Variants in FHIT observed in about 807,000 individuals in gnomAD.
FHIT encodes fragile histidine triad diadenosine triphosphatase, also known as bis(5'-adenosyl)-triphosphatase.
A neutral mutation model predicts 17.9 loss-of-function variants in FHIT; 19 were observed. The observed-to-expected ratio is 1.06, with a 90% CI of 0.74 to 1.56. The LOEUF is 1.56. FHIT is among the 40% of genes most tolerant of loss of function. The probability of loss-of-function intolerance (pLI) is 0.00; values close to 1 mark genes in which losing one functional copy is unlikely to be tolerated. For missense variants in FHIT, 248 were observed against 189.2 expected (o/e 1.31, Z -1.82); for synonymous variants, 81 against 69.7 (o/e 1.16, Z -0.81).
At chr3:59,767,257 C>T (rs893318457) in intron 8 of FHIT, among the ~76,000 whole-genome samples, 6 of 152,140 alleles carry the variant, frequency 3.9e-5, no homozygotes, top group Middle Eastern at 3.4e-3. Flanking sequence ...CCAGCACTTT[C>T]GGAGGCTGAG....
At chr3:61,228,694 CAT>C (rs1243100612) in intron 1 of FHIT, among the ~76,000 whole-genome samples, 1 of 152,164 alleles carries the variant, frequency 6.6e-6, no homozygotes, top group Non-Finnish European at 1.5e-5. Context: ...ACCTGAAAGG[CAT>C]ATTTTAGGAG....
At chr3:61,000,409 G>T (rs556424415) in intron 3 of FHIT, among the ~76,000 whole-genome samples, 1 of 152,248 alleles carries the variant, frequency 6.6e-6, no homozygotes, top group South Asian at 2.1e-4. Flanking sequence ...GAGACACAAT[G>T]GTAAGACATT....
chr3:60,540,120 T>A (rs2036137953), intron 4 of FHIT, among the ~76,000 whole-genome samples: 1 of 152,150 alleles, frequency 6.6e-6, no homozygotes, highest in African/African-American at 2.4e-5. Flanking sequence ...GTTTACATAA[T>A]GAAGCCTCTG....
chr3:60,818,799 G>C (rs1553738421), intron 4 of FHIT, among the ~76,000 whole-genome samples: 1 of 152,060 alleles, frequency 6.6e-6, no homozygotes, highest in Non-Finnish European at 1.5e-5. Context: ...TGATTGCCCT[G>C]AACCCTGTTC....
chr3:61,170,537 C>A (rs2037972493), intron 2 of FHIT, among the ~76,000 whole-genome samples: 1 of 152,124 alleles, frequency 6.6e-6, no homozygotes, highest in Non-Finnish European at 1.5e-5. Flanking sequence ...CTCCCACCCT[C>A]CAATAGGCCC....
intron 5 of FHIT, among the ~76,000 whole-genome samples, chr3:60,392,963 G>A (rs984620693): frequency 1.3e-5 from 2 of 152,090 alleles, no homozygotes; most frequent in Non-Finnish European, 2.9e-5. Flanking sequence ...AAACAGCTAG[G>A]GAAGCTTCAT....
intron 8 of FHIT, among the ~76,000 whole-genome samples, chr3:59,908,843 C>CTTTTTTTTTTTTTTTT (rs1264578670): frequency 6.6e-6 from 1 of 150,742 alleles, no homozygotes. Context: ...AAGAACATTT[C>CTTTTTTTTTTTTTTTT]ATTTTTTAAT....
chr3:60,198,833 G>C (rs930173461), intron 5 of FHIT, among the ~76,000 whole-genome samples: 2 of 152,130 alleles, frequency 1.3e-5, no homozygotes, highest in Non-Finnish European at 1.5e-5. Flanking sequence ...ATTTGCACCA[G>C]TGTAAAGGTA....
intron 5 of FHIT, among the ~76,000 whole-genome samples, chr3:60,348,699 C>G (rs769593607): frequency 6.6e-5 from 10 of 152,184 alleles, no homozygotes; most frequent in Non-Finnish European, 1.3e-4. Context: ...ACTCTGCATC[C>G]TGACTCACCT....
intron 3 of FHIT, among the ~76,000 whole-genome samples, chr3:61,031,034 G>A (rs1053117102): frequency 6.6e-6 from 1 of 152,124 alleles, no homozygotes; most frequent in Non-Finnish European, 1.5e-5. Context: ...ACGAAATAAG[G>A]GGTCCTTGCA....
intron 5 of FHIT, among the ~76,000 whole-genome samples, chr3:60,497,362 TAAG>T (rs1223533120): frequency 2.0e-5 from 3 of 152,342 alleles, no homozygotes; most frequent in African/African-American, 2.4e-5. Context: ...TTAAATTTTT[TAAG>T]AAGGACTGCC....
In FHIT at chr3:59,994,876, C is replaced by T. The variant is rs551286686; in HGVS notation, c.279+16495G>A. Among the ~76,000 whole-genome samples, 78 of 152,192 alleles carry T rather than the reference C, an allele frequency of 5.1e-4. 1 individual carries two copies. The highest frequency in any genetic ancestry group is 1.6e-3 in the African/African-American group (66 of 41,550). On this transcript the variant is annotated intron_variant, in intron 7 of 9. Transcript: ENST00000492590. Reference sequence around the variant, plus strand: ...TTGTCTATGCACTAAGTTACTTTGACGCCACACCTGTTTCTATTCTGCCTG... The same window carrying T: ...TTGTCTATGCACTAAGTTACTTTGATGCCACACCTGTTTCTATTCTGCCTG...
chr3:61,210,140 C>T (rs184230254), intron 1 of FHIT, among the ~76,000 whole-genome samples: 37 of 152,296 alleles, frequency 2.4e-4, no homozygotes, highest in African/African-American at 8.4e-4. Context: ...ATTGATGAAC[C>T]GCAAATGCTA....
At chr3:60,374,945 T>G (rs1027742765) in intron 5 of FHIT, among the ~76,000 whole-genome samples, 1 of 152,050 alleles carries the variant, frequency 6.6e-6, no homozygotes, top group South Asian at 2.1e-4. Context: ...GCCAAGTTAA[T>G]GCACATGATA....
chr3:60,785,901 A>C (rs1218155609), intron 4 of FHIT, among the ~76,000 whole-genome samples: 2 of 76,518 alleles, frequency 2.6e-5, no homozygotes, highest in African/African-American at 8.9e-5. Flanking sequence ...CAGAAGACAC[A>C]CACACACACA....
intron 5 of FHIT, among the ~76,000 whole-genome samples, chr3:60,495,151 G>C (rs1286231392): frequency 2.6e-5 from 4 of 151,942 alleles, no homozygotes; most frequent in African/African-American, 9.7e-5. Flanking sequence ...TCTGTCTTTT[G>C]GATATAAGCC....
chr3:60,423,731 C>G (rs2107271560), intron 5 of FHIT, among the ~76,000 whole-genome samples: 1 of 152,208 alleles, frequency 6.6e-6, no homozygotes, highest in East Asian at 1.9e-4. Flanking sequence ...CCTGGTGCAG[C>G]TAAGTAATGC....
rs533020793 is a variant in FHIT, at chr3:60,275,245, A to C, written c.104-261093T>G. Among the ~76,000 whole-genome samples, 98 of 150,014 alleles carry C rather than the reference A, an allele frequency of 6.5e-4. 1 individual carries two copies. The highest frequency in any genetic ancestry group is 6.9e-3 in the Middle Eastern group (2 of 288). ...TGGAAGAAAAGAAAAAAAAAAAAAA[A>C]CTATGAATCAACTAACTTACTTAGC... On this transcript the variant is annotated intron_variant, in intron 5 of 9. Transcript: ENST00000492590.
At chr3:60,035,876 A>C (rs1009273234) in intron 5 of FHIT, among the ~76,000 whole-genome samples, 1 of 152,234 alleles carries the variant, frequency 6.6e-6, no homozygotes, top group Middle Eastern at 3.2e-3. Context: ...TGTTGCTATG[A>C]TAACAAGCAG....
Sources: gnomAD v4.1 joint callset for allele counts (sites outside exome capture counted in the v4.1 genomes callset) on GRCh38, gnomAD v4.1.1 for gene constraint, MANE v1.5 for transcripts, NCBI Gene and HGNC (gene_info 2026-07-23, HGNC 2026-07-21) for gene names.